The following ANKH variants were observed in gnomAD, a reference collection of about 807,000 sequenced individuals.
ANKH encodes the protein mineralization regulator ANKH.
In ANKH, 15 loss-of-function variants were observed where a neutral mutation model predicts 49.0. The ratio of observed to expected loss-of-function variants is 0.31; its 90% CI spans 0.20 to 0.47. The LOEUF is 0.47. Among genes scored for constraint, ANKH ranks in the 20% least tolerant of loss-of-function variants. The pLI, the probability that ANKH is intolerant of heterozygous loss-of-function variation, is 1.00. For missense variants in ANKH, 429 were observed against 652.0 expected (o/e 0.66, Z 3.72); for synonymous variants, 273 against 260.0 (o/e 1.05, Z -0.48).
At chr5:14,869,496 C>T (rs887291816) in intron 1 of ANKH, 27 of 152,328 alleles carry the variant, frequency 1.8e-4, no homozygotes, top group African/African-American at 5.8e-4. Flanking sequence ...CATTTTGCTT[C>T]TCTGCAAAAA....
intron 1 of ANKH, among the ~76,000 whole-genome samples, chr5:14,776,851 CA>C (rs1158069130): frequency 6.6e-6 from 1 of 152,216 alleles, no homozygotes; most frequent in African/African-American, 2.4e-5. Context: ...CCAGATTTAA[CA>C]GCACTCCAAC....
Position 14,823,446 on chromosome 5 carries a change from T to C in ANKH, c.96+47906A>G, listed in dbSNP as rs557191691. Among the ~76,000 whole-genome samples, 14 of 152,340 alleles carry C rather than the reference T, an allele frequency of 9.2e-5. No individual in the cohort carries two copies. In the South Asian group the frequency reaches 2.3e-3, roughly 25 times the overall value. On this transcript the variant is annotated intron_variant, in intron 1 of 11. Transcript: ENST00000284268. ...CAATTTGCAGTGGAAATGAACAATT[T>C]ACAACATTGTATAGCAAGAAGGCAA...
At chr5:14,810,650 C>G (rs1740852414) in intron 1 of ANKH, among the ~76,000 whole-genome samples, 1 of 152,144 alleles carries the variant, frequency 6.6e-6, no homozygotes, top group African/African-American at 2.4e-5. Context: ...TTTCAAGTCT[C>G]AGGAATCTCT....
intron 1 of ANKH, among the ~76,000 whole-genome samples, chr5:14,840,347 T>C (rs1741782782): frequency 6.6e-6 from 1 of 152,214 alleles, no homozygotes; most frequent in Admixed American, 6.5e-5. Flanking sequence ...GGTAGAAGTG[T>C]CCACCATTTT....
chr5:14,766,524 C>A (rs1739263155), intron 2 of ANKH, among the ~76,000 whole-genome samples: 1 of 152,202 alleles, frequency 6.6e-6, no homozygotes, highest in African/African-American at 2.4e-5. Context: ...TCTCTTCCTG[C>A]TCTATGCTCT....
intron 1 of ANKH, among the ~76,000 whole-genome samples, chr5:14,782,261 G>A (rs374403836): frequency 6.6e-6 from 1 of 152,166 alleles, no homozygotes; most frequent in South Asian, 2.1e-4. Flanking sequence ...CTGACTGAGT[G>A]CTCACCCTGT....
intron 1 of ANKH, among the ~76,000 whole-genome samples, chr5:14,799,586 T>C (rs258220): frequency 0.49 from 73,835 of 151,978 alleles, 18,231 homozygotes; most frequent in East Asian, 0.76. Flanking sequence ...CTCAGGTCCT[T>C]AAGAATTATG....
intron 8 of ANKH, among the ~76,000 whole-genome samples, chr5:14,726,456 A>G (rs921089278): frequency 1.3e-5 from 2 of 152,170 alleles, no homozygotes; most frequent in African/African-American, 4.8e-5. Context: ...GATCCTCGTC[A>G]CGGCTACTGT....
intron 1 of ANKH, among the ~76,000 whole-genome samples, chr5:14,771,604 A>G (rs1739430937): frequency 6.6e-6 from 1 of 152,124 alleles, no homozygotes. Context: ...AGTAAGGTAC[A>G]TTATTAGTTA....
intron 4 of ANKH, among the ~76,000 whole-genome samples, chr5:14,752,560 A>T (rs1278022782): frequency 6.6e-6 from 1 of 152,180 alleles, no homozygotes; most frequent in Non-Finnish European, 1.5e-5. Context: ...TCCTCCTGGG[A>T]TCCACTCATT....
chr5:14,789,259 CAT>C (rs1237878862), intron 1 of ANKH, among the ~76,000 whole-genome samples: 4 of 152,098 alleles, frequency 2.6e-5, no homozygotes, highest in Non-Finnish European at 5.9e-5. Context: ...ACTCAGTTAG[CAT>C]ATATACCATA....
At chr5:14,804,743 G>A (rs1740655722) in intron 1 of ANKH, among the ~76,000 whole-genome samples, 1 of 152,150 alleles carries the variant, frequency 6.6e-6, no homozygotes, top group African/African-American at 2.4e-5. Flanking sequence ...TTTGAACAGA[G>A]AAATAAAGAC....
In ANKH at chr5:14,713,654, C is replaced by T. The variant is rs146419748; in HGVS notation, c.1155G>A (p.Ala385=). ...SFFPVPVTVR[A]HLTGWLMTLK... ...GTGTCATCAGCCACCCGGTGAGATGCGCCCTCACTGTGACTGTTGGGAGGA... is the reference window on the plus strand; with the variant it reads ...GTGTCATCAGCCACCCGGTGAGATGTGCCCTCACTGTGACTGTTGGGAGGA... The change falls in exon 10 of 12, where the codon GCG becomes GCA. Residue 385 remains alanine, a synonymous_variant. Coordinates refer to ENST00000284268, the MANE Select transcript of ANKH (RefSeq NM_054027.6). The surrounding 1 kb of genome is among the most constrained non-coding windows in gnomAD (Gnocchi z 4.4). 516 of 1,614,082 alleles carry T rather than the reference C, an allele frequency of 3.2e-4. 1 individual carries two copies. The highest frequency in any genetic ancestry group is 2.9e-4 in the Non-Finnish European group (345 of 1,180,032).
In ANKH at chr5:14,775,919, G is replaced by C. The variant is rs1198612082; in HGVS notation, c.97-6728C>G. Among the ~76,000 whole-genome samples the C allele has an allele frequency of 2.0e-5, 3 of 152,206 alleles. No individual in the cohort carries two copies. The East Asian group carries it at 5.8e-4, about 29-fold the overall frequency. ...AGGGATGCGAGCCACAGAGGCCAAG[G>C]GCCCTGTGGTAACCCAGGCCAGACA... is the stretch of plus-strand genomic sequence containing the variant. On this transcript the variant is annotated intron_variant, in intron 1 of 11. Transcript: ENST00000284268.
intron 1 of ANKH, among the ~76,000 whole-genome samples, chr5:14,850,133 G>T (rs991666656): frequency 9.2e-5 from 14 of 152,138 alleles, no homozygotes; most frequent in African/African-American, 3.4e-4. Context: ...GGTCTCACTG[G>T]CTTGACGAGG....
At chr5:14,836,283 G>A (rs1296117228) in intron 1 of ANKH, among the ~76,000 whole-genome samples, 1 of 152,172 alleles carries the variant, frequency 6.6e-6, no homozygotes, top group Non-Finnish European at 1.5e-5. Context: ...TCAGGCAGGA[G>A]AAAGAAATAA....
At chr5:14,768,709 G>A (rs1293916970) in intron 2 of ANKH, 2 of 545,912 alleles carry the variant, frequency 3.7e-6, no homozygotes, top group African/African-American at 1.9e-5. Context: ...CTTACCAAAT[G>A]TTATTCCTAG....
chr5:14,784,994 C>G (rs923849105), intron 1 of ANKH, among the ~76,000 whole-genome samples: 1 of 152,182 alleles, frequency 6.6e-6, no homozygotes, highest in Non-Finnish European at 1.5e-5. Context: ...TCCAGTGACT[C>G]TGGATACCAC....
intron 1 of ANKH, among the ~76,000 whole-genome samples, chr5:14,857,226 G>C (rs756037939): frequency 2.6e-5 from 4 of 151,994 alleles, no homozygotes; most frequent in Admixed American, 6.6e-5. Context: ...GATCTTCCCA[G>C]ATATACAGGG....
Sources: allele counts gnomAD v4.1 joint callset (sites outside exome capture counted in the v4.1 genomes callset), GRCh38; gene constraint gnomAD v4.1.1; non-coding constraint Gnocchi (gnomAD v3.1); transcripts MANE v1.5; gene names NCBI Gene and HGNC (gene_info 2026-07-23, HGNC 2026-07-21).